PCDHGA5: variants seen among roughly 807,000 people sequenced by gnomAD.
PCDHGA5 encodes protocadherin gamma-A5.
In PCDHGA5, 36 loss-of-function variants were observed where a neutral mutation model predicts 56.7. That is an observed-to-expected ratio of 0.64 (90% CI 0.49 to 0.84). The LOEUF (loss-of-function observed/expected upper bound fraction) is 0.84. Among genes scored for constraint, PCDHGA5 ranks in the 40% least tolerant of loss-of-function variants. PCDHGA5 has a pLI of 0.00. For synonymous variants in PCDHGA5, 563 were observed against 520.2 expected, an observed-to-expected ratio of 1.08 and a Z score of -1.12; for missense variants, 1,305 against 1,201.5, an observed-to-expected ratio of 1.09 and a Z score of -1.27.
chr5:141,384,940 T>A lies in PCDHGA5; in HGVS notation c.2421+18189T>A, dbSNP rs781038163. The A allele has an allele frequency of 1.2e-6, 2 of 1,613,942 alleles. No individual in the cohort carries two copies. The highest frequency in any genetic ancestry group is 1.7e-6 in the Non-Finnish European group (2 of 1,179,994). ...GGCCGACCTGGGCAGCCTTGAGCCCTCCGACGGTCCTTACAACTATGACCT... is the reference window on the plus strand; with the variant it reads ...GGCCGACCTGGGCAGCCTTGAGCCCACCGACGGTCCTTACAACTATGACCT... On this transcript the variant is annotated intron_variant, in intron 1 of 3. Coordinates refer to ENST00000518069, the MANE Select transcript of PCDHGA5 (RefSeq NM_018918.3).
chr5:141,368,410 C>T (rs1471418854), intron 1 of PCDHGA5, among the ~76,000 whole-genome samples: 1 of 152,086 alleles, frequency 6.6e-6, no homozygotes, highest in African/African-American at 2.4e-5. Context: ...CATACATACA[C>T]ACATGGACAT....
chr5:141,437,371 A>C (rs887976412), intron 1 of PCDHGA5, among the ~76,000 whole-genome samples: 1 of 152,262 alleles, frequency 6.6e-6, no homozygotes, highest in African/African-American at 2.4e-5. Context: ...GAATGTAATC[A>C]GTCAGAAGAC....
intron 1 of PCDHGA5, chr5:141,418,063 G>C (rs2015825): frequency 1.9e-6 from 3 of 1,613,754 alleles, no homozygotes; most frequent in Admixed American, 1.7e-5. Flanking sequence ...AGCTGCGAGT[G>C]AGCGCGGAGA....
chr5:141,399,610 C>T, intron 1 of PCDHGA5: 1 of 1,613,946 alleles, frequency 6.2e-7, no homozygotes, highest in Non-Finnish European at 8.5e-7. Flanking sequence ...CCTAGAGCCT[C>T]TGGCACTGGC....
At chr5:141,409,507 T>C (rs1220086382) in intron 1 of PCDHGA5, 3 of 1,613,982 alleles carry the variant, frequency 1.9e-6, no homozygotes, top group South Asian at 1.1e-5. Flanking sequence ...TTTCTTCCAG[T>C]AGAAGCATCA....
intron 1 of PCDHGA5, among the ~76,000 whole-genome samples, chr5:141,472,908 C>T (rs1369506606): frequency 1.3e-5 from 2 of 149,744 alleles, no homozygotes; most frequent in African/African-American, 2.5e-5. Context: ...ATTGCTTGAA[C>T]CCAAGAGGAG....
chr5:141,511,391 C>G lies in PCDHGA5; in HGVS notation c.*218C>G. ...TGCAAAAGCAGTTCCGCTGGGAACC[C>G]CCATCCAATCAACTGCTGTACCCAT... is the stretch of plus-strand genomic sequence containing the variant. On this transcript the variant is annotated 3_prime_UTR_variant, in exon 4 of 4. Coordinates refer to ENST00000518069, the MANE Select transcript of PCDHGA5 (RefSeq NM_018918.3). 2.8e-6 allele frequency: 3 copies of G among 1,079,748 alleles called. No homozygotes were observed. The highest frequency in any genetic ancestry group is 3.3e-5 in the South Asian group (2 of 60,136). The allele number at this position is 1,079,748 out of a possible 1,614,324, so 66.9% of individuals were successfully genotyped here. A position where few individuals can be genotyped will look rare whatever the true frequency, so the allele number is the denominator to read the frequency against.
intron 1 of PCDHGA5, chr5:141,420,339 T>C: frequency 7.2e-7 from 1 of 1,395,458 alleles, no homozygotes; most frequent in Non-Finnish European, 9.6e-7. Context: ...TCCAATATAG[T>C]GGTATTATTT....
At chr5:141,393,447 C>T (rs753693736) in intron 1 of PCDHGA5, 3 of 1,614,052 alleles carry the variant, frequency 1.9e-6, no homozygotes, top group East Asian at 4.5e-5. Context: ...CCACCTGGTC[C>T]TCACGGCCTC....
At position 141,485,062 on chromosome 5, in the gene PCDHGA5, C is replaced by A; in HGVS notation, c.2422-9745C>A. 1 of 876,340 alleles carries A rather than the reference C, an allele frequency of 1.1e-6. No individual in the cohort carries two copies. Among genetic ancestry groups the A allele is most frequent in the African/African-American group, 1.7e-5 (1 of 59,510 alleles). The allele number at this position is 876,340 out of a possible 1,614,324, so 54.3% of individuals were successfully genotyped here. On this transcript the variant is annotated intron_variant, in intron 1 of 3. Coordinates refer to ENST00000518069, the MANE Select transcript of PCDHGA5 (RefSeq NM_018918.3). This position sits in a 1 kb window ranked among gnomAD's most constrained non-coding sequence, Gnocchi z 5.7. ...CCTTGCGGCGCCGGCCGAACCGCGC[C>A]AGAGCTGGCGCGGGGAAAGGGAGAT...
intron 1 of PCDHGA5, chr5:141,410,998 T>C: frequency 5.8e-6 from 1 of 173,396 alleles, no homozygotes; most frequent in South Asian, 1.4e-4. Context: ...GGATTACTGG[T>C]GCCCCTCACC....
intron 1 of PCDHGA5, among the ~76,000 whole-genome samples, chr5:141,449,891 A>G (rs2098658520): frequency 6.6e-6 from 1 of 151,872 alleles, no homozygotes; most frequent in Non-Finnish European, 1.5e-5. Flanking sequence ...CAATATAATT[A>G]TTTAGCCTAT....
chr5:141,485,239 C>T lies in PCDHGA5; in HGVS notation c.2422-9568C>T. ...GGGCTACCCTTTTGTTCCTCTTTTA[C>T]CACCTGGGTTACGTTTGTGGGCAGA... On this transcript the variant is annotated intron_variant, in intron 1 of 3. Transcript: ENST00000518069. This position sits in a 1 kb window ranked among gnomAD's most constrained non-coding sequence, Gnocchi z 5.7. The T allele has an allele frequency of 6.2e-7, 1 of 1,614,140 alleles. No homozygotes were observed. Among genetic ancestry groups the T allele is most frequent in the South Asian group, 1.1e-5 (1 of 91,072 alleles).
Position 141,365,641 on chromosome 5 carries a change from C to T in PCDHGA5, c.1311C>T (p.His437=), listed in dbSNP as rs367688670. The T allele has an allele frequency of 6.2e-7, 1 of 1,613,596 alleles. No homozygotes were observed. Among genetic ancestry groups the T allele is most frequent in the African/African-American group, 1.3e-5 (1 of 75,012 alleles). Residue 437 remains histidine, a synonymous_variant, in exon 1 of 4, where the codon CAC becomes CAT. Transcript: ENST00000518069. The stretch of plus-strand genomic sequence containing the variant: ...CCCCGCCCCTCTCTACAGAAAGCCA[C>T]ATCCCCTTGAAAGTAGCAGACGTTA... ...HGTPPLSTES[H]IPLKVADVND...
intron 1 of PCDHGA5, chr5:141,408,127 G>A (rs1017651550): frequency 2.0e-6 from 3 of 1,480,258 alleles, no homozygotes; most frequent in African/African-American, 2.8e-5. Context: ...GTCCTGGGCC[G>A]AATGCTCTTT....
At position 141,485,069 on chromosome 5, in the gene PCDHGA5, G is replaced by A. The variant is rs1185236732; in HGVS notation, c.2422-9738G>A. 1.1e-6 allele frequency: 1 copy of A among 905,912 alleles called. No homozygotes were observed. Among genetic ancestry groups the A allele is most frequent in the Non-Finnish European group, 1.7e-6 (1 of 577,940 alleles). The allele number at this position is 905,912 out of a possible 1,614,324, so 56.1% of individuals were successfully genotyped here. A position where few individuals can be genotyped will look rare whatever the true frequency, so the allele number is the denominator to read the frequency against. On this transcript the variant is annotated intron_variant, in intron 1 of 3. Coordinates refer to ENST00000518069, the MANE Select transcript of PCDHGA5 (RefSeq NM_018918.3). This position sits in a 1 kb window ranked among gnomAD's most constrained non-coding sequence, Gnocchi z 5.7. ...GCGCCGGCCGAACCGCGCCAGAGCTGGCGCGGGGAAAGGGAGATAGGTGTC... is the reference window on the plus strand; with the variant it reads ...GCGCCGGCCGAACCGCGCCAGAGCTAGCGCGGGGAAAGGGAGATAGGTGTC...
chr5:141,471,568 A>G (rs947450908), intron 1 of PCDHGA5: 3 of 152,214 alleles, frequency 2.0e-5, no homozygotes, highest in Non-Finnish European at 2.9e-5. Context: ...CAGGGGTAGC[A>G]GTAGATAGGG....
intron 1 of PCDHGA5, chr5:141,375,627 A>AGGAG (rs773199374): frequency 2.9e-5 from 46 of 1,613,948 alleles, no homozygotes; most frequent in Non-Finnish European, 3.6e-5. Flanking sequence ...GGGATTCTGT[A>AGGAG]CGCCCTGCGC....
intron 1 of PCDHGA5, among the ~76,000 whole-genome samples, chr5:141,448,476 G>A (rs1002358317): frequency 1.3e-5 from 2 of 151,976 alleles, no homozygotes; most frequent in African/African-American, 4.8e-5. Flanking sequence ...TTCCACCCTT[G>A]CTTCCTCCTG....
Sources: gnomAD v4.1 joint callset for allele counts (sites outside exome capture counted in the v4.1 genomes callset) on GRCh38, gnomAD v4.1.1 for gene constraint, Gnocchi (gnomAD v3.1) non-coding constraint, MANE v1.5 for transcripts, NCBI Gene and HGNC (gene_info 2026-07-23, HGNC 2026-07-21) for gene names.